Variants in CTNNA3 observed in about 807,000 individuals in gnomAD.
CTNNA3 encodes catenin alpha-3.
Under a neutral mutation model 95.7 loss-of-function variants are expected in CTNNA3, and 76 were observed. The ratio of observed to expected loss-of-function variants is 0.79; its 90% CI spans 0.66 to 0.96. CTNNA3 has a LOEUF of 0.96. CTNNA3 is among the 40% of genes least tolerant of loss of function. The probability of loss-of-function intolerance (pLI) is 0.00; values close to 1 mark genes in which losing one functional copy is unlikely to be tolerated. For synonymous variants in CTNNA3, 431 were observed against 374.4 expected (o/e 1.15, Z -1.74); for missense variants, 1,191 against 1,089.8 (o/e 1.09, Z -1.31).
At chr10:66,002,795 A>G (rs865978540) in intron 15 of CTNNA3, among the ~76,000 whole-genome samples, 1 of 152,214 alleles carries the variant, frequency 6.6e-6, no homozygotes, top group East Asian at 1.9e-4. Context: ...ACTCCCACCC[A>G]TATTCCAGAA....
chr10:66,285,912 A>G (rs978288717), intron 12 of CTNNA3, among the ~76,000 whole-genome samples: 2 of 151,916 alleles, frequency 1.3e-5, no homozygotes, highest in African/African-American at 4.8e-5. Flanking sequence ...ACTAAACATT[A>G]AATTTTTTTC....
At chr10:67,199,817 T>C (rs1450228827) in intron 6 of CTNNA3, among the ~76,000 whole-genome samples, 1 of 152,202 alleles carries the variant, frequency 6.6e-6, no homozygotes, top group East Asian at 1.9e-4. Flanking sequence ...CAAGTAGATA[T>C]TGACGTTATG....
intron 7 of CTNNA3, among the ~76,000 whole-genome samples, chr10:66,910,388 A>G (rs950630980): frequency 6.6e-6 from 1 of 152,224 alleles, no homozygotes; most frequent in African/African-American, 2.4e-5. Context: ...AGTCTTATAC[A>G]ATATGACTCT....
At chr10:66,072,212 A>T (rs888650562) in intron 14 of CTNNA3, among the ~76,000 whole-genome samples, 1 of 152,132 alleles carries the variant, frequency 6.6e-6, no homozygotes, top group East Asian at 1.9e-4. Flanking sequence ...GATTACATCT[A>T]TTCTGAATTT....
chr10:66,622,436 T>A (rs1844782719), intron 9 of CTNNA3, among the ~76,000 whole-genome samples: 1 of 152,124 alleles, frequency 6.6e-6, no homozygotes, highest in Non-Finnish European at 1.5e-5. Context: ...ATGAGTGCTG[T>A]TTTAATTACC....
intron 13 of CTNNA3, among the ~76,000 whole-genome samples, chr10:66,141,160 G>A (rs1369915184): frequency 1.3e-5 from 2 of 151,896 alleles, no homozygotes; most frequent in Non-Finnish European, 2.9e-5. Context: ...TCAGGAGGCT[G>A]AAGCATGAGA....
intron 7 of CTNNA3, among the ~76,000 whole-genome samples, chr10:66,839,877 T>C (rs574485145): frequency 1.3e-5 from 2 of 152,286 alleles, no homozygotes; most frequent in African/African-American, 2.4e-5. Context: ...TCCAGGACTT[T>C]TGATGATATC....
chr10:67,744,143 A>G (rs1037039360), intron 1 of CTNNA3, among the ~76,000 whole-genome samples: 2 of 151,300 alleles, frequency 1.3e-5, no homozygotes, highest in Non-Finnish European at 3.0e-5. Flanking sequence ...ACAGAATTGG[A>G]AAAAACTACC....
At chr10:66,334,975 T>A (rs530141321) in intron 12 of CTNNA3, among the ~76,000 whole-genome samples, 1 of 152,248 alleles carries the variant, frequency 6.6e-6, no homozygotes, top group African/African-American at 2.4e-5. Flanking sequence ...TTCATTTTAT[T>A]CATTTGATCT....
At chr10:66,630,098 C>A (rs1845079877) in intron 9 of CTNNA3, among the ~76,000 whole-genome samples, 1 of 152,102 alleles carries the variant, frequency 6.6e-6, no homozygotes, top group Admixed American at 6.6e-5. Flanking sequence ...CATCATTCAG[C>A]CTACAGTGCC....
At chr10:67,349,054 A>G (rs1842538520) in intron 5 of CTNNA3, among the ~76,000 whole-genome samples, 1 of 152,220 alleles carries the variant, frequency 6.6e-6, no homozygotes, top group South Asian at 2.1e-4. Flanking sequence ...AAGATGAAAG[A>G]TAAGTGTTGT....
At chr10:65,987,629 T>C (rs1470402859) in intron 16 of CTNNA3, among the ~76,000 whole-genome samples, 1 of 151,936 alleles carries the variant, frequency 6.6e-6, no homozygotes, top group Non-Finnish European at 1.5e-5. Flanking sequence ...TAAAAACTAC[T>C]ACTAATAAAC....
At chr10:66,130,508 G>A (rs561252597) in intron 13 of CTNNA3, among the ~76,000 whole-genome samples, 5 of 151,142 alleles carry the variant, frequency 3.3e-5, no homozygotes, top group East Asian at 3.9e-4. Flanking sequence ...AAGCAAACAC[G>A]ATCAGAAACA....
chr10:66,336,388 T>A (rs546360641), intron 12 of CTNNA3, among the ~76,000 whole-genome samples: 1 of 152,202 alleles, frequency 6.6e-6, no homozygotes, highest in Non-Finnish European at 1.5e-5. Context: ...CCAGCACATA[T>A]TTCTTCTTAC....
At chr10:67,471,741 G>T (rs1372778605) in intron 5 of CTNNA3, among the ~76,000 whole-genome samples, 1 of 152,164 alleles carries the variant, frequency 6.6e-6, no homozygotes, top group Non-Finnish European at 1.5e-5. Context: ...ATGAGACCAT[G>T]TACATTTTGG....
intron 11 of CTNNA3, among the ~76,000 whole-genome samples, chr10:66,443,734 C>G (rs887086035): frequency 6.6e-6 from 1 of 151,968 alleles, no homozygotes; most frequent in Non-Finnish European, 1.5e-5. Flanking sequence ...AAAAACAGAG[C>G]AGAAAAACCA....
intron 11 of CTNNA3, among the ~76,000 whole-genome samples, chr10:66,431,332 G>A (rs1461409425): frequency 9.2e-5 from 14 of 152,164 alleles, no homozygotes; most frequent in African/African-American, 2.9e-4. Context: ...GTGGAAGACA[G>A]TGTGGCAATT....
intron 10 of CTNNA3, among the ~76,000 whole-genome samples, chr10:66,575,193 G>C (rs1465048129): frequency 6.6e-6 from 1 of 152,092 alleles, no homozygotes; most frequent in Non-Finnish European, 1.5e-5. Flanking sequence ...AAAAAGGTGA[G>C]CTATACTACT....
At chr10:66,333,186 G>T (rs141986212) in intron 12 of CTNNA3, among the ~76,000 whole-genome samples, 1,991 of 151,872 alleles carry the variant, frequency 0.013, 42 homozygotes, top group African/African-American at 0.046. Flanking sequence ...CCAGCTCCTG[G>T]ATTCATTGAT....
Sources: gnomAD v4.1 joint callset for allele counts (sites outside exome capture counted in the v4.1 genomes callset) on GRCh38, gnomAD v4.1.1 for gene constraint, MANE v1.5 for transcripts, NCBI Gene and HGNC (gene_info 2026-07-23, HGNC 2026-07-21) for gene names.